Variants in HCN1 observed in about 807,000 individuals in gnomAD.
HCN1 encodes hyperpolarization activated cyclic nucleotide gated potassium channel 1, also known as potassium/sodium hyperpolarization-activated cyclic nucleotide-gated channel 1.
Under a neutral mutation model 78.9 loss-of-function variants are expected in HCN1, and 13 were observed. The ratio of observed to expected loss-of-function variants is 0.16; its 90% CI spans 0.11 to 0.26. HCN1 has a LOEUF of 0.26. Among genes scored for constraint, HCN1 ranks in the 10% least tolerant of loss-of-function variants. HCN1 has a pLI of 1.00. For synonymous variants in HCN1, 552 were observed against 455.5 expected, an observed-to-expected ratio of 1.21 and a Z score of -2.70; for missense variants, 810 against 1,154.3, an observed-to-expected ratio of 0.70 and a Z score of 4.32.
intron 4 of HCN1, among the ~76,000 whole-genome samples, chr5:45,369,010 G>A (rs1053742981): frequency 6.6e-6 from 1 of 151,582 alleles, no homozygotes; most frequent in African/African-American, 2.4e-5. Flanking sequence ...CTGGTCCCAG[G>A]AAATCACTGA....
chr5:45,392,706 A>G (rs1313053333), intron 4 of HCN1, among the ~76,000 whole-genome samples: 1 of 151,880 alleles, frequency 6.6e-6, no homozygotes, highest in Non-Finnish European at 1.5e-5. Flanking sequence ...AAATTGCTGG[A>G]ACTCGGGAGG....
At chr5:45,371,539 A>AC in intron 4 of HCN1, among the ~76,000 whole-genome samples, 1 of 151,734 alleles carries the variant, frequency 6.6e-6, no homozygotes, top group African/African-American at 2.4e-5. Context: ...TGGACAGATC[A>AC]CGAGGTCAGG....
intron 1 of HCN1, among the ~76,000 whole-genome samples, chr5:45,650,456 G>A (rs1040896135): frequency 1.3e-5 from 2 of 151,932 alleles, no homozygotes; most frequent in African/African-American, 4.8e-5. Context: ...GATGGAGAAA[G>A]AAACTGTTAC....
intron 1 of HCN1, among the ~76,000 whole-genome samples, chr5:45,676,377 C>A (rs1047653228): frequency 6.6e-6 from 1 of 151,662 alleles, no homozygotes; most frequent in Admixed American, 6.6e-5. Context: ...ATTGGTCAAT[C>A]AGATACATTA....
At chr5:45,665,654 A>T (rs1214226706) in intron 1 of HCN1, among the ~76,000 whole-genome samples, 1 of 152,092 alleles carries the variant, frequency 6.6e-6, no homozygotes, top group Non-Finnish European at 1.5e-5. Flanking sequence ...AATGCATCAA[A>T]AATAGCAATT....
At chr5:45,373,343 T>C (rs1291492646) in intron 4 of HCN1, among the ~76,000 whole-genome samples, 8 of 118,346 alleles carry the variant, frequency 6.8e-5, no homozygotes, top group Non-Finnish European at 1.1e-4. Context: ...ATTTAATATA[T>C]AAAATATATA....
intron 5 of HCN1, among the ~76,000 whole-genome samples, chr5:45,346,633 C>T (rs1160163311): frequency 6.6e-6 from 1 of 152,176 alleles, no homozygotes; most frequent in Non-Finnish European, 1.5e-5. Context: ...TGACAGATGG[C>T]ACCTGGAAAA....
At chr5:45,416,544 A>G (rs1029853312) in intron 3 of HCN1, among the ~76,000 whole-genome samples, 1 of 152,014 alleles carries the variant, frequency 6.6e-6, no homozygotes, top group Non-Finnish European at 1.5e-5. Context: ...AGTGTGTTCT[A>G]TTACTCAGAT....
chr5:45,331,120 G>T (rs1371956615), intron 5 of HCN1, among the ~76,000 whole-genome samples: 1 of 150,940 alleles, frequency 6.6e-6, no homozygotes, highest in South Asian at 2.1e-4. Context: ...ATTATCTTTG[G>T]CATTGAACAG....
At chr5:45,622,949 C>T (rs1745098005) in intron 2 of HCN1, among the ~76,000 whole-genome samples, 1 of 152,160 alleles carries the variant, frequency 6.6e-6, no homozygotes, top group Admixed American at 6.5e-5. Context: ...CCACTCCTTC[C>T]TGCAGCAGGA....
In HCN1 at chr5:45,330,454, A is replaced by C. The variant is rs181803285; in HGVS notation, c.1377+22646T>G. On this transcript the variant is annotated intron_variant, in intron 5 of 7. Transcript: ENST00000303230. ...ATACATATGATGTACATATATACAT[A>C]TATATATAATGGCAAGATGATTTTA... 1.0e-3 allele frequency among the ~76,000 whole-genome samples: 156 copies of C among 150,876 alleles called. 2 individuals are homozygous for C. Among genetic ancestry groups the C allele is most frequent in the Middle Eastern group, 6.8e-3 (2 of 294 alleles).
chr5:45,299,626 G>A (rs1745568514), intron 6 of HCN1, among the ~76,000 whole-genome samples: 2 of 151,698 alleles, frequency 1.3e-5, no homozygotes, highest in African/African-American at 4.8e-5. Flanking sequence ...TAGATGAACT[G>A]AATGATTACT....
At chr5:45,509,273 T>G (rs1488874763) in intron 2 of HCN1, among the ~76,000 whole-genome samples, 1 of 152,142 alleles carries the variant, frequency 6.6e-6, no homozygotes, top group African/African-American at 2.4e-5. Context: ...GATTTTGTTG[T>G]GCCAGGGAGT....
chr5:45,373,047 T>C (rs905372640), intron 4 of HCN1, among the ~76,000 whole-genome samples: 1 of 135,388 alleles, frequency 7.4e-6, no homozygotes, highest in African/African-American at 2.7e-5. Flanking sequence ...ATATATAAAA[T>C]ATAATATATA....
intron 6 of HCN1, among the ~76,000 whole-genome samples, chr5:45,294,603 A>G (rs1745451347): frequency 6.6e-6 from 1 of 152,060 alleles, no homozygotes; most frequent in Non-Finnish European, 1.5e-5. Context: ...TAGAAAAACA[A>G]ACTTTTCTTT....
intron 3 of HCN1, among the ~76,000 whole-genome samples, chr5:45,432,088 G>C (rs558402653): frequency 1.3e-5 from 2 of 152,068 alleles, no homozygotes; most frequent in African/African-American, 2.4e-5. Context: ...TTTTCCATTT[G>C]TCGCTGTCAT....
intron 7 of HCN1, 152 bp downstream of exon 7, chr5:45,266,937 G>C: frequency 1.5e-6 from 1 of 686,466 alleles, no homozygotes. Flanking sequence ...TCGAACTCCT[G>C]ACCTCAAATG....
intron 2 of HCN1, among the ~76,000 whole-genome samples, chr5:45,570,507 T>G (rs1417622025): frequency 6.6e-6 from 1 of 152,172 alleles, no homozygotes; most frequent in Admixed American, 6.6e-5. Flanking sequence ...AAGACACTGA[T>G]AAGACAAGCT....
In HCN1 at chr5:45,368,768, T is replaced by G. The variant is rs139470740; in HGVS notation, c.1231-15522A>C. Among the ~76,000 whole-genome samples the G allele has an allele frequency of 3.0e-3, 453 of 152,102 alleles. 2 individuals carry two copies. The highest frequency in any genetic ancestry group is 0.01 in the African/African-American group (429 of 41,524). Reference sequence around the variant, plus strand: ...GGGAGCTGGGGCCAAAAGTGTAAAGTTTTTGTTTTGCCATATTTTTTTCTC... The same window carrying G: ...GGGAGCTGGGGCCAAAAGTGTAAAGGTTTTGTTTTGCCATATTTTTTTCTC... On this transcript the variant is annotated intron_variant, in intron 4 of 7. Transcript: ENST00000303230.
Sources: allele counts gnomAD v4.1 joint callset (sites outside exome capture counted in the v4.1 genomes callset), GRCh38; gene constraint gnomAD v4.1.1; transcripts MANE v1.5; gene names NCBI Gene and HGNC (gene_info 2026-07-23, HGNC 2026-07-21).